KIAA0232: variants seen among roughly 807,000 people sequenced by gnomAD.
KIAA0232 encodes the protein uncharacterized protein KIAA0232.
Under a neutral mutation model 122.0 loss-of-function variants are expected in KIAA0232, and 27 were observed. That is an observed-to-expected ratio of 0.22 (90% CI 0.16 to 0.31). The LOEUF (loss-of-function observed/expected upper bound fraction) is 0.31. Ranked by LOEUF, KIAA0232 falls within the 10% of genes least tolerant of loss-of-function variation. The pLI, the probability that KIAA0232 is intolerant of heterozygous loss-of-function variation, is 1.00. For synonymous variants in KIAA0232, 613 were observed against 587.6 expected (o/e 1.04, Z -0.63); for missense variants, 1,551 against 1,634.2 (o/e 0.95, Z 0.88).
intron 1 of KIAA0232, among the ~76,000 whole-genome samples, chr4:6,802,577 G>A (rs1717432255): frequency 7.3e-6 from 1 of 137,170 alleles, no homozygotes. Context: ...AAATAACTAT[G>A]TGTGTGTGTG....
intron 9 of KIAA0232, among the ~76,000 whole-genome samples, chr4:6,880,503 T>A (rs561294041): frequency 6.6e-6 from 1 of 152,250 alleles, no homozygotes; most frequent in South Asian, 2.1e-4. Context: ...TCCTGGTGCA[T>A]AGCAGGTACT....
chr4:6,836,546 C>CTTTTTTTTTTTTTTTTTTTTTTTTTT (rs1173281370), intron 3 of KIAA0232, among the ~76,000 whole-genome samples: 1 of 82,080 alleles, frequency 1.2e-5, no homozygotes, highest in African/African-American at 4.6e-5. Flanking sequence ...TTTTTCTTTT[C>CTTTTTTTTTTTTTTTTTTTTTTTTTT]TTTTTTTTTT....
Position 6,861,227 on chromosome 4 carries a change from A to T in KIAA0232, c.845A>T (p.Lys282Met). ...KKQIRHKPEGKIRPRSWSSGS... is the reference protein window; with the variant it reads ...KKQIRHKPEGMIRPRSWSSGS... ...CAAATCCGACATAAACCTGAAGGAA[A>T]GATTCGCCCTCGCTCGTGGTCTTCT... The change falls in exon 7 of 10, where the codon AAG becomes ATG. Residue 282 changes from lysine to methionine, a missense_variant. By Grantham distance (95) the Lys-to-Met change is moderately conservative. This residue lies in a region of KIAA0232 where 377 missense variants were observed against 381.7 expected (regional missense o/e 0.99). Coordinates refer to ENST00000307659, the MANE Select transcript of KIAA0232 (RefSeq NM_014743.3). 1 of 1,614,164 alleles carries T rather than the reference A, an allele frequency of 6.2e-7. No homozygotes were observed. The highest frequency in any genetic ancestry group is 2.2e-5 in the East Asian group (1 of 44,882).
At chr4:6,821,192 A>G (rs1412785566) in intron 2 of KIAA0232, among the ~76,000 whole-genome samples, 1 of 152,142 alleles carries the variant, frequency 6.6e-6, no homozygotes, top group Non-Finnish European at 1.5e-5. Flanking sequence ...TTTCACTTTC[A>G]TTTTGAAAGT....
intron 2 of KIAA0232, among the ~76,000 whole-genome samples, chr4:6,812,658 TGAGAA>T (rs1014448103): frequency 2.2e-4 from 34 of 152,110 alleles, no homozygotes; most frequent in African/African-American, 7.0e-4. Context: ...ATGATAAACA[TGAGAA>T]GAAAGAAAGA....
intron 5 of KIAA0232, among the ~76,000 whole-genome samples, chr4:6,858,215 C>G (rs980984056): frequency 6.6e-6 from 1 of 152,160 alleles, no homozygotes; most frequent in Non-Finnish European, 1.5e-5. Flanking sequence ...CAACTCTCAC[C>G]TCTTGGCCTA....
chr4:6,784,843 A>T (rs1164994904), intron 1 of KIAA0232, among the ~76,000 whole-genome samples: 1 of 152,242 alleles, frequency 6.6e-6, no homozygotes, highest in Non-Finnish European at 1.5e-5. Context: ...CTTTGGAGAA[A>T]AAGTATAGGT....
intron 3 of KIAA0232, among the ~76,000 whole-genome samples, chr4:6,827,942 C>A (rs1410874242): frequency 6.6e-6 from 1 of 151,978 alleles, no homozygotes; most frequent in Non-Finnish European, 1.5e-5. Flanking sequence ...CAGGAAATCA[C>A]TACATATCAC....
At chr4:6,819,779 A>C (rs1718330933) in intron 2 of KIAA0232, among the ~76,000 whole-genome samples, 1 of 152,172 alleles carries the variant, frequency 6.6e-6, no homozygotes. Context: ...TTATTCTACC[A>C]AAAAGACACA....
chr4:6,864,206 T>G lies in KIAA0232; in HGVS notation c.3801+23T>G, dbSNP rs181712310. On this transcript the variant is annotated intron_variant, in intron 7 of 9. Transcript: ENST00000307659. ...GAGGTATGTGTCTGCGTGTTGGTAT[T>G]TGACAAAAGGATTTGATCAGAGTTT... is the stretch of plus-strand genomic sequence containing the variant. 2.5e-6 allele frequency: 4 copies of G among 1,574,100 alleles called. No homozygotes were observed. The East Asian group carries it at 9.0e-5, about 35-fold the overall frequency.
chr4:6,797,522 C>T (rs1717182019), intron 1 of KIAA0232, among the ~76,000 whole-genome samples: 1 of 152,138 alleles, frequency 6.6e-6, no homozygotes, highest in Admixed American at 6.5e-5. Flanking sequence ...GTAATCCCAG[C>T]ACTTTGGGAG....
chr4:6,878,720 G>A (rs1425049761), intron 9 of KIAA0232, among the ~76,000 whole-genome samples: 1 of 152,136 alleles, frequency 6.6e-6, no homozygotes, highest in African/African-American at 2.4e-5. Context: ...TTTGTATCCT[G>A]TCTGGACTGG....
At chr4:6,795,217 C>T (rs1263707539) in intron 1 of KIAA0232, among the ~76,000 whole-genome samples, 1 of 152,092 alleles carries the variant, frequency 6.6e-6, no homozygotes, top group Non-Finnish European at 1.5e-5. Context: ...ACTACAGGCA[C>T]CCACCACCAC....
chr4:6,824,394 C>A lies in KIAA0232; in HGVS notation c.-60C>A. 1 of 1,351,398 alleles carries A rather than the reference C, an allele frequency of 7.4e-7. No homozygotes were observed. The highest frequency in any genetic ancestry group is 1.1e-6 in the Non-Finnish European group (1 of 940,964). The allele number at this position is 1,351,398 out of a possible 1,614,324, so 83.7% of individuals were successfully genotyped here. Reference sequence around the variant, plus strand: ...TGGAGTGAAAATCCCCTCCAGATACCAACAGAATATCAACTGCAGAAAATG... The same window carrying A: ...TGGAGTGAAAATCCCCTCCAGATACAAACAGAATATCAACTGCAGAAAATG... On this transcript the variant is annotated 5_prime_UTR_variant, in exon 3 of 10. Transcript: ENST00000307659.
At chr4:6,811,747 ATT>A (rs10709832) in intron 2 of KIAA0232, among the ~76,000 whole-genome samples, 2,393 of 103,870 alleles carry the variant, frequency 0.023, 83 homozygotes, top group African/African-American at 0.079. Flanking sequence ...GCCTGGCCTA[ATT>A]TTTTTTTTTT....
intron 4 of KIAA0232, among the ~76,000 whole-genome samples, chr4:6,848,846 C>G (rs965078589): frequency 3.9e-5 from 6 of 152,170 alleles, no homozygotes; most frequent in African/African-American, 1.4e-4. Context: ...ACCAGAACCC[C>G]CTGGGAAGAA....
At chr4:6,833,116 G>A (rs1004804989) in intron 3 of KIAA0232, among the ~76,000 whole-genome samples, 4 of 152,064 alleles carry the variant, frequency 2.6e-5, no homozygotes, top group Non-Finnish European at 4.4e-5. Context: ...TAGCATCTGC[G>A]GTGTTTCCTG....
At chr4:6,879,860 T>G (rs1721970401) in intron 9 of KIAA0232, among the ~76,000 whole-genome samples, 2 of 136,664 alleles carry the variant, frequency 1.5e-5, no homozygotes, top group African/African-American at 5.5e-5. Flanking sequence ...CACTGCAAAC[T>G]CCCTTCCCAA....
intron 1 of KIAA0232, among the ~76,000 whole-genome samples, chr4:6,785,529 A>C (rs999913994): frequency 6.6e-6 from 1 of 152,240 alleles, no homozygotes; most frequent in Admixed American, 6.5e-5. Flanking sequence ...AAATGTCGTC[A>C]AGACTCAAAC....
Sources: allele counts gnomAD v4.1 joint callset (sites outside exome capture counted in the v4.1 genomes callset), GRCh38; gene constraint gnomAD v4.1.1; regional missense constraint gnomAD v4.1.1; transcripts MANE v1.5; gene names NCBI Gene and HGNC (gene_info 2026-07-23, HGNC 2026-07-21).